Variants in CHGB observed in about 807,000 individuals in gnomAD.
CHGB encodes the protein chromogranin B, also known as secretogranin-1.
CHGB carries 46 observed loss-of-function variants against 69.9 expected under a neutral mutation model. The ratio of observed to expected loss-of-function variants is 0.66; its 90% confidence interval spans 0.52 to 0.84. CHGB has a LOEUF of 0.84. CHGB is among the 40% of genes least tolerant of loss of function. The pLI, the probability that CHGB is intolerant of heterozygous loss-of-function variation, is 0.00. For missense variants in CHGB, 796 were observed against 822.2 expected, an observed-to-expected ratio of 0.97 and a Z score of 0.39; for synonymous variants, 312 against 298.2, an observed-to-expected ratio of 1.05 and a Z score of -0.48.
In CHGB at chr20:5,923,343, G is replaced by A. The variant is rs868756086; in HGVS notation, c.1199G>A (p.Gly400Glu). The A allele has an allele frequency of 6.2e-7, 1 of 1,613,774 alleles. No homozygotes were observed. The highest frequency in any genetic ancestry group is 8.5e-7 in the Non-Finnish European group (1 of 1,180,024). Residue 400 changes from glycine (G) to glutamate (E), a missense_variant, in exon 4 of 5, where the codon GGA (glycine) becomes GAA (glutamate). Coordinates refer to ENST00000378961, the MANE Select transcript of CHGB (RefSeq NM_001819.3). ...PSLELDKMAH[G>E]YGEESEEERG... ...TTAGAGCTTGATAAGATGGCACATG[G>A]ATATGGTGAAGAAAGTGAGGAAGAG... is the stretch of plus-strand genomic sequence containing the variant.
chr20:5,913,048 C>T (rs1418928098), intron 1 of CHGB, among the ~76,000 whole-genome samples: 1 of 152,084 alleles, frequency 6.6e-6, no homozygotes, highest in Non-Finnish European at 1.5e-5. Flanking sequence ...AATTGCTTTG[C>T]TTAGGAGGCT....
In CHGB at chr20:5,922,608, G is replaced by A. The variant is rs1297710903; in HGVS notation, c.464G>A (p.Arg155His). The change falls in exon 4 of 5, where the codon CGC becomes CAC. Residue 155 changes from arginine (R) to histidine (H), a missense_variant. By Grantham distance (29) the Arg-to-His change is conservative (BLOSUM62 0). Coordinates refer to ENST00000378961, the MANE Select transcript of CHGB (RefSeq NM_001819.3). The stretch of plus-strand genomic sequence containing the variant: ...CAAGTCTCTGAAGAAGTGAAGACAC[G>A]CCATTCTGAGAAGAGCCAGAGAGAG... ...DSQVSEEVKT[R>H]HSEKSQREDE... 5 of 1,613,976 alleles carry A rather than the reference G, an allele frequency of 3.1e-6. No homozygotes were observed. Among genetic ancestry groups the A allele is most frequent in the African/African-American group, 2.7e-5 (2 of 74,916 alleles).
In CHGB at chr20:5,922,751, A is replaced by G; in HGVS notation, c.607A>G (p.Lys203Glu). ...ACAAAACGCTTTTCTCAATGAAAGA[A>G]AGCAGGCTTCAGCTATAAAAAAAGA... is the stretch of plus-strand genomic sequence containing the variant. ...ETQNAFLNERKQASAIKKEEL... is the reference protein window; with the variant it reads ...ETQNAFLNEREQASAIKKEEL... Residue 203 changes from lysine to glutamate, a missense_variant, in exon 4 of 5, where the codon AAG (lysine) becomes GAG (glutamate). By Grantham distance (56) the Lys-to-Glu change is moderately conservative (BLOSUM62 1). Coordinates refer to ENST00000378961, the MANE Select transcript of CHGB (RefSeq NM_001819.3). 6.2e-7 allele frequency: 1 copy of G among 1,614,174 alleles called. No individual in the cohort carries two copies. The highest frequency in any genetic ancestry group is 8.5e-7 in the Non-Finnish European group (1 of 1,180,020).
chr20:5,917,054 C>A, intron 3 of CHGB, 135 bp downstream of exon 3: 1 of 789,582 alleles, frequency 1.3e-6, no homozygotes. Flanking sequence ...ATTGACTAGG[C>A]CAGTATCTGG....
Position 5,922,992 on chromosome 20 carries a change from A to C in CHGB, c.848A>C (p.His283Pro), listed in dbSNP as rs769581505. ...EVDKRRTRPR[H>P]HHGRSRPDRS... ...GACAAACGACGCACGAGGCCCAGACACCACCACGGGAGGAGCAGGCCCGAC... is the reference window on the plus strand; with the variant it reads ...GACAAACGACGCACGAGGCCCAGACCCCACCACGGGAGGAGCAGGCCCGAC... The change falls in exon 4 of 5, where the codon CAC (histidine) becomes CCC (proline). Residue 283 changes from histidine (H) to proline (P), a missense_variant. Physicochemically the swap from His to Pro is moderately conservative, Grantham distance 77. Coordinates refer to ENST00000378961, the MANE Select transcript of CHGB (RefSeq NM_001819.3). 1.4e-5 allele frequency: 23 copies of C among 1,610,394 alleles called. No individual in the cohort carries two copies. The highest frequency in any genetic ancestry group is 1.7e-5 in the Non-Finnish European group (20 of 1,178,244).
rs1385162585 is a variant in CHGB, at chr20:5,925,093, T to G, written c.*44T>G. The G allele has an allele frequency of 7.3e-7, 1 of 1,376,316 alleles. No homozygotes were observed. Among genetic ancestry groups the G allele is most frequent in the African/African-American group, 1.4e-5 (1 of 69,268 alleles). The allele number at this position is 1,376,316 out of a possible 1,614,324, so 85.3% of individuals were successfully genotyped here. A position where few individuals can be genotyped will look rare whatever the true frequency, so the allele number is the denominator to read the frequency against. Reference sequence around the variant, plus strand: ...GCACTGTTAAGAAGCAGCCATCACATGATCTGTTTTTCACCACTTCACTGA... The same window carrying G: ...GCACTGTTAAGAAGCAGCCATCACAGGATCTGTTTTTCACCACTTCACTGA... On this transcript the variant is annotated 3_prime_UTR_variant, in exon 5 of 5. Coordinates refer to ENST00000378961, the MANE Select transcript of CHGB (RefSeq NM_001819.3).
chr20:5,912,219 A>G (rs1050185696), intron 1 of CHGB, among the ~76,000 whole-genome samples: 2 of 152,170 alleles, frequency 1.3e-5, no homozygotes, highest in African/African-American at 4.8e-5. Flanking sequence ...TAACATGTCC[A>G]TATATAATGT....
In CHGB at chr20:5,925,214, C is replaced by T; in HGVS notation, c.*165C>T. 1 of 513,376 alleles carries T rather than the reference C, an allele frequency of 1.9e-6. No individual in the cohort carries two copies. Among genetic ancestry groups the T allele is most frequent in the East Asian group, 3.4e-5 (1 of 29,630 alleles). 31.8% of individuals were successfully genotyped at this position (513,376 alleles called of 1,614,324 possible). ...ATTGTCTTTAATTTCTGTCAGAATG[C>T]TATTGAAAATGTGAATTGCATGACT... On this transcript the variant is annotated 3_prime_UTR_variant, in exon 5 of 5. Transcript: ENST00000378961.
Position 5,924,170 on chromosome 20 carries a change from C to G in CHGB, c.1956+70C>G, listed in dbSNP as rs115908605. 146 of 1,457,834 alleles carry G rather than the reference C, an allele frequency of 1.0e-4. No individual in the cohort carries two copies. In the African/African-American group the frequency reaches 1.9e-3, roughly 19 times the overall value. 90.3% of individuals were successfully genotyped at this position (1,457,834 alleles called of 1,614,324 possible). A position where few individuals can be genotyped will look rare whatever the true frequency, so the allele number is the denominator to read the frequency against. On this transcript the variant is annotated intron_variant, in intron 4 of 4. Coordinates refer to ENST00000378961, the MANE Select transcript of CHGB (RefSeq NM_001819.3). The stretch of plus-strand genomic sequence containing the variant: ...GTTAGCACATTATGTTCAAGACTAT[C>G]CGATATTCACGGGGAGAAATTGGTG...
At chr20:5,919,092 C>T (rs1196239913) in intron 3 of CHGB, among the ~76,000 whole-genome samples, 1 of 152,120 alleles carries the variant, frequency 6.6e-6, no homozygotes, top group Non-Finnish European at 1.5e-5. Flanking sequence ...TTGGTATCTC[C>T]CTTTCCCTTT....
rs144051265 is a variant in CHGB at position 5,923,225 on chromosome 20, C to T, written c.1081C>T (p.Arg361Cys). 115 of 1,613,532 alleles carry T rather than the reference C, an allele frequency of 7.1e-5. No individual in the cohort carries two copies. Among genetic ancestry groups the T allele is most frequent in the Middle Eastern group, 1.6e-4 (1 of 6,082 alleles). The change falls in exon 4 of 5, where the codon CGC becomes TGC. Residue 361 changes from arginine to cysteine, a missense_variant. Transcript: ENST00000378961. ...GGCCCCTGAGGACCTGGAGTGGGAG[C>T]GCTATAGGGGCAGAGGAAGTGAAGA... ...VQAPEDLEWE[R>C]YRGRGSEEYR...
At chr20:5,920,964 TG>T (rs2088510362) in intron 3 of CHGB, among the ~76,000 whole-genome samples, 1 of 152,268 alleles carries the variant, frequency 6.6e-6, no homozygotes, top group Non-Finnish European at 1.5e-5. Flanking sequence ...TTTTCCATTT[TG>T]CAAATATCAT....
intron 1 of CHGB, among the ~76,000 whole-genome samples, chr20:5,913,884 G>C (rs938465022): frequency 6.6e-6 from 1 of 151,830 alleles, no homozygotes; most frequent in Admixed American, 6.6e-5. Context: ...CGCCAGCCTC[G>C]GACTCCCAAA....
intron 2 of CHGB, 99 bp from the exon 3 acceptor site, chr20:5,916,727 G>A (rs1196287786): frequency 8.6e-6 from 9 of 1,042,324 alleles, no homozygotes; most frequent in Non-Finnish European, 1.4e-5. Context: ...CATCAGCCCA[G>A]GTCACGTAAT....
intron 3 of CHGB, among the ~76,000 whole-genome samples, chr20:5,919,120 A>G (rs181302446): frequency 3.9e-4 from 60 of 152,260 alleles, no homozygotes; most frequent in Non-Finnish European, 7.5e-4. Flanking sequence ...TACTAGACCA[A>G]TGCAAAAGTG....
chr20:5,911,715 G>T, intron 1 of CHGB, 33 bp downstream of exon 1: 1 of 1,403,310 alleles, frequency 7.1e-7, no homozygotes, highest in South Asian at 1.6e-5. Context: ...TCAGCACCGC[G>T]GACAGCGCCA....
In CHGB at chr20:5,923,159, C is replaced by T; in HGVS notation, c.1015C>T (p.Pro339Ser). The T allele has an allele frequency of 2.5e-6, 4 of 1,614,102 alleles. No homozygotes were observed. Among genetic ancestry groups the T allele is most frequent in the Non-Finnish European group, 3.4e-6 (4 of 1,180,026 alleles). The part of the protein sequence containing the change: ...STHYRASEEE[P>S]EYGEEIKGYP... The stretch of plus-strand genomic sequence containing the variant: ...CCACTACAGGGCTTCAGAGGAAGAA[C>T]CTGAATATGGAGAAGAAATAAAGGG... Residue 339 changes from proline to serine, a missense_variant, in exon 4 of 5, where the codon CCT becomes TCT. Transcript: ENST00000378961.
chr20:5,915,387 C>T (rs1017211767), intron 1 of CHGB: 4 of 152,106 alleles, frequency 2.6e-5, no homozygotes, highest in African/African-American at 4.8e-5. Flanking sequence ...TGGTTAAACA[C>T]CAATTTGCAT....
rs4815874 is a variant in CHGB at position 5,922,105 on chromosome 20, G to A, written c.191-230G>A. ...GTAGTACCAATGAGAGAAGCTGGCT[G>A]GGCATTATGAAGACATAAAAATATA... is the stretch of plus-strand genomic sequence containing the variant. On this transcript the variant is annotated intron_variant, in intron 3 of 4. Coordinates refer to ENST00000378961, the MANE Select transcript of CHGB (RefSeq NM_001819.3). Among the ~76,000 whole-genome samples the A allele has an allele frequency of 5.4e-3, 821 of 152,250 alleles. 25 individuals carry two copies. The highest frequency in any genetic ancestry group is 0.034 in the Admixed American group (524 of 15,286).
Sources: gnomAD v4.1 joint callset for allele counts (sites outside exome capture counted in the v4.1 genomes callset) on GRCh38, gnomAD v4.1.1 for gene constraint, MANE v1.5 for transcripts, NCBI Gene and HGNC (gene_info 2026-07-23, HGNC 2026-07-21) for gene names.